The following ELP3 variants were observed in gnomAD, a reference collection of about 807,000 sequenced individuals.
ELP3 encodes elongator acetyltransferase complex subunit 3.
Under a neutral mutation model 74.9 loss-of-function variants are expected in ELP3, and 56 were observed. The observed-to-expected ratio is 0.75, with a 90% CI of 0.60 to 0.93. The LOEUF (loss-of-function observed/expected upper bound fraction) is 0.93, where lower values mean the gene tolerates loss of function less well. Among genes scored for constraint, ELP3 ranks in the 40% least tolerant of loss-of-function variants. The probability of loss-of-function intolerance (pLI) is 0.00; values close to 1 mark genes in which losing one functional copy is unlikely to be tolerated. For synonymous variants in ELP3, 222 were observed against 239.8 expected, an observed-to-expected ratio of 0.93 and a Z score of 0.68; for missense variants, 573 against 686.5, an observed-to-expected ratio of 0.83 and a Z score of 1.85.
At position 28,110,371 on chromosome 8, in the gene ELP3, CA is replaced by C; in HGVS notation, c.397del (p.Thr133ProfsTer3). Reference sequence around the variant, plus strand: ...CATAACAATATTTTTCTCTTCTAGCCAACCTCCATGAGAGCTATCCGTGCCA... The same window carrying C: ...CATAACAATATTTTTCTCTTCTAGCCACCTCCATGAGAGCTATCCGTGCCA... ...YSTQSYTGYE[P>X]TSMRAIRARY... On this transcript the variant is annotated frameshift_variant and splice_region_variant, in exon 6 of 15. Transcript: ENST00000256398. LOFTEE classifies it high-confidence loss of function. 4.3e-6 allele frequency: 7 copies of C among 1,613,090 alleles called. No individual in the cohort carries two copies. The highest frequency in any genetic ancestry group is 5.9e-6 in the Non-Finnish European group (7 of 1,179,552).
chr8:28,162,378 A>T (rs1814135281), intron 14 of ELP3, among the ~76,000 whole-genome samples: 1 of 152,174 alleles, frequency 6.6e-6, no homozygotes, highest in Non-Finnish European at 1.5e-5. Flanking sequence ...GTATCTGAGG[A>T]AATGGAATTT....
intron 3 of ELP3, among the ~76,000 whole-genome samples, chr8:28,100,825 A>C (rs751401156): frequency 6.6e-6 from 1 of 152,190 alleles, no homozygotes; most frequent in Non-Finnish European, 1.5e-5. Flanking sequence ...CTCTAGGATG[A>C]AAAAAGATGA....
chr8:28,177,633 G>A (rs1814813958), intron 14 of ELP3, among the ~76,000 whole-genome samples: 1 of 152,250 alleles, frequency 6.6e-6, no homozygotes, highest in African/African-American at 2.4e-5. Flanking sequence ...AAGTTTGGCT[G>A]TGAGAATGTG....
At position 28,097,313 on chromosome 8, in the gene ELP3, A is replaced by G. The variant is rs781009387; in HGVS notation, c.114A>G (p.Leu38=). The change falls in exon 2 of 15, where the codon CTA becomes CTG. Residue 38 remains leucine, a synonymous_variant. Transcript: ENST00000256398. ...ACGAGCAGGGGAAAGACATCGATCT[A>G]AATAAGTAAGTGGATATAAAGAGAG... ...EAHEQGKDID[L]NKVKTKTAAK... The G allele has an allele frequency of 6.2e-7, 1 of 1,610,454 alleles. No homozygotes were observed. The highest frequency in any genetic ancestry group is 8.5e-7 in the Non-Finnish European group (1 of 1,176,822).
intron 2 of ELP3, among the ~76,000 whole-genome samples, chr8:28,097,662 C>T (rs539814381): frequency 2.1e-4 from 32 of 152,112 alleles, no homozygotes; most frequent in Non-Finnish European, 4.4e-4. Flanking sequence ...TCCCAAAGTG[C>T]TGGGATTACA....
intron 10 of ELP3, among the ~76,000 whole-genome samples, chr8:28,140,677 G>A (rs1813202053): frequency 6.6e-6 from 1 of 152,172 alleles, no homozygotes; most frequent in African/African-American, 2.4e-5. Context: ...CCTTCTTGCA[G>A]TCTGTTTCAT....
chr8:28,134,559 A>G (rs1336988253), intron 9 of ELP3, among the ~76,000 whole-genome samples: 1 of 152,248 alleles, frequency 6.6e-6, no homozygotes, highest in Non-Finnish European at 1.5e-5. Context: ...TTAGAAATTG[A>G]TAAGAGGCAA....
chr8:28,157,998 T>TTTCC (rs796269743), intron 11 of ELP3, among the ~76,000 whole-genome samples: 10 of 149,696 alleles, frequency 6.7e-5, no homozygotes, highest in Middle Eastern at 3.3e-3. Context: ...TCCTTCCTTC[T>TTTCC]TTCCTTCCTT....
intron 14 of ELP3, among the ~76,000 whole-genome samples, chr8:28,186,614 A>G (rs926536419): frequency 2.6e-4 from 39 of 152,222 alleles, no homozygotes; most frequent in African/African-American, 9.4e-4. Flanking sequence ...GAAAAGTCCA[A>G]GGTCAAAGGG....
intron 14 of ELP3, among the ~76,000 whole-genome samples, chr8:28,184,572 T>C (rs1231357047): frequency 6.6e-6 from 1 of 152,208 alleles, no homozygotes; most frequent in Non-Finnish European, 1.5e-5. Context: ...CAGGGCACTC[T>C]TGATTGTTGA....
At chr8:28,159,376 A>G (rs997322815) in intron 12 of ELP3, among the ~76,000 whole-genome samples, 1 of 152,182 alleles carries the variant, frequency 6.6e-6, no homozygotes, top group Non-Finnish European at 1.5e-5. Context: ...AGTAGACCCA[A>G]CACAATTTGC....
chr8:28,142,564 G>A (rs1230099068), intron 10 of ELP3, among the ~76,000 whole-genome samples: 1 of 152,128 alleles, frequency 6.6e-6, no homozygotes, highest in Non-Finnish European at 1.5e-5. Context: ...TTCAAAATGT[G>A]GAATTAGTAA....
At chr8:28,173,853 C>T (rs1814633689) in intron 14 of ELP3, among the ~76,000 whole-genome samples, 1 of 151,930 alleles carries the variant, frequency 6.6e-6, no homozygotes, top group South Asian at 2.1e-4. Flanking sequence ...GTGATTTCTT[C>T]TTTAGCCCAT....
At chr8:28,097,578 A>T (rs1429533712) in intron 2 of ELP3, among the ~76,000 whole-genome samples, 1 of 151,286 alleles carries the variant, frequency 6.6e-6, no homozygotes, top group Non-Finnish European at 1.5e-5. Context: ...TTGTATTTTT[A>T]GTAGAGACGG....
At position 28,189,823 on chromosome 8, in the gene ELP3, TG is replaced by T; in HGVS notation, c.*104del. ...CAACAGAGAGGCTGAGCAGAGCAAATGGGGGGCTTCACCCTCATCCCGCAGC... is the reference window on the plus strand; with the variant it reads ...CAACAGAGAGGCTGAGCAGAGCAAATGGGGGCTTCACCCTCATCCCGCAGC... On this transcript the variant is annotated 3_prime_UTR_variant, in exon 15 of 15. Coordinates refer to ENST00000256398, the MANE Select transcript of ELP3 (RefSeq NM_018091.6). The T allele has an allele frequency of 1.5e-6, 2 of 1,317,026 alleles. No homozygotes were observed. The allele number at this position is 1,317,026 out of a possible 1,614,324, so 81.6% of individuals were successfully genotyped here.
intron 7 of ELP3, among the ~76,000 whole-genome samples, chr8:28,125,710 T>G (rs1812544444): frequency 6.6e-6 from 1 of 150,740 alleles, no homozygotes. Context: ...ATAATCTAAA[T>G]CTATTTATAT....
intron 5 of ELP3, 60 bp downstream of exon 5, chr8:28,108,036 G>T: frequency 7.1e-7 from 1 of 1,405,112 alleles, no homozygotes; most frequent in Admixed American, 1.8e-5. Flanking sequence ...CTGTAGTATG[G>T]TTTTACCAGT....
intron 6 of ELP3, among the ~76,000 whole-genome samples, chr8:28,111,815 C>T (rs1236675527): frequency 6.6e-5 from 10 of 152,204 alleles, no homozygotes; most frequent in African/African-American, 2.4e-4. Flanking sequence ...AGTAACTTCT[C>T]CAAAACGTGT....
rs1813056033 is a variant in ELP3 at position 28,137,873 on chromosome 8, G to A, written c.1082G>A (p.Arg361Gln). The change falls in exon 10 of 15, where the codon CGA becomes CAA. Residue 361 changes from arginine to glutamine, a missense_variant. Arg to Gln is a conservative substitution (Grantham distance 43). Coordinates refer to ENST00000256398, the MANE Select transcript of ELP3 (RefSeq NM_018091.6). ...CTAGCCCTCGTGCCTCCATGGACTC[G>A]AGTGTACCGAGTACAGAGGTAGTGT... is the stretch of plus-strand genomic sequence containing the variant. Reference protein sequence around the residue: ...RILALVPPWTRVYRVQRDIPM... With the variant: ...RILALVPPWTQVYRVQRDIPM... 1.2e-5 allele frequency: 20 copies of A among 1,610,264 alleles called. No homozygotes were observed. The highest frequency in any genetic ancestry group is 1.7e-5 in the Non-Finnish European group (20 of 1,179,060).
Sources: gnomAD v4.1 joint callset for allele counts (sites outside exome capture counted in the v4.1 genomes callset) on GRCh38, gnomAD v4.1.1 for gene constraint, MANE v1.5 for transcripts, NCBI Gene and HGNC (gene_info 2026-07-23, HGNC 2026-07-21) for gene names.